SOX5: variants seen among roughly 807,000 people sequenced by gnomAD.
SOX5 encodes the protein SRY-box transcription factor 5.
In SOX5, 9 loss-of-function variants were observed where a neutral mutation model predicts 92.0. The ratio of observed to expected loss-of-function variants is 0.10; its 90% confidence interval spans 0.06 to 0.17. The LOEUF is 0.17. SOX5 is among the 10% of genes least tolerant of loss of function. The probability of loss-of-function intolerance (pLI) is 1.00; values close to 1 mark genes in which losing one functional copy is unlikely to be tolerated. For missense variants in SOX5, 642 were observed against 944.5 expected (o/e 0.68, Z 4.20); for synonymous variants, 344 against 336.3 (o/e 1.02, Z -0.25).
At chr12:24,327,437 T>A (rs1950836135) in intron 2 of SOX5, among the ~76,000 whole-genome samples, 3 of 110,452 alleles carry the variant, frequency 2.7e-5, no homozygotes, top group African/African-American at 1.0e-4. Flanking sequence ...TTTTTTGAGA[T>A]GGAGTTTTGC....
At chr12:23,737,191 C>T (rs1383312398) in intron 5 of SOX5, among the ~76,000 whole-genome samples, 1 of 152,116 alleles carries the variant, frequency 6.6e-6, no homozygotes, top group Non-Finnish European at 1.5e-5. Flanking sequence ...CCGTGTCTCT[C>T]ATCTGGATTG....
chr12:23,802,760 T>A (rs1298925006), intron 3 of SOX5, among the ~76,000 whole-genome samples: 1 of 152,188 alleles, frequency 6.6e-6, no homozygotes, highest in African/African-American at 2.4e-5. Flanking sequence ...ATATGTCATA[T>A]TAGGTAAAAG....
intron 4 of SOX5, among the ~76,000 whole-genome samples, chr12:24,194,457 A>G (rs913448071): frequency 2.0e-5 from 3 of 150,578 alleles, no homozygotes; most frequent in African/African-American, 7.4e-5. Context: ...AGGTAGGTAG[A>G]GAGATATGTG....
At chr12:23,696,749 C>T (rs1306379966) in intron 6 of SOX5, among the ~76,000 whole-genome samples, 2 of 152,110 alleles carry the variant, frequency 1.3e-5, no homozygotes, top group African/African-American at 2.4e-5. Flanking sequence ...CTTCTAAATA[C>T]TGCTTTAGTT....
At chr12:23,683,177 G>A (rs989067744) in intron 6 of SOX5, among the ~76,000 whole-genome samples, 1 of 151,892 alleles carries the variant, frequency 6.6e-6, no homozygotes, top group African/African-American at 2.4e-5. Context: ...TAATGATGGT[G>A]TAAATCTGAG....
intron 10 of SOX5, among the ~76,000 whole-genome samples, chr12:23,567,464 ATTTTTTTT>A (rs35620007): frequency 4.2e-5 from 5 of 119,152 alleles, no homozygotes; most frequent in Middle Eastern, 4.8e-3. Context: ...ATTTGATTTG[ATTTTTTTT>A]TTTTTTTTTT....
intron 4 of SOX5, among the ~76,000 whole-genome samples, chr12:24,077,777 A>ATC (rs1201789264): frequency 1.5e-5 from 1 of 67,088 alleles, no homozygotes; most frequent in Non-Finnish European, 3.1e-5. Context: ...ATTTTCATAT[A>ATC]TATATATATA....
At chr12:23,776,405 C>A (rs567602544) in intron 3 of SOX5, among the ~76,000 whole-genome samples, 1 of 152,136 alleles carries the variant, frequency 6.6e-6, no homozygotes, top group African/African-American at 2.4e-5. Flanking sequence ...CTGAGGAAGG[C>A]AAGAAATTTT....
At chr12:23,879,682 T>A (rs372727402) in intron 2 of SOX5, among the ~76,000 whole-genome samples, 1 of 152,046 alleles carries the variant, frequency 6.6e-6, no homozygotes, top group African/African-American at 2.4e-5. Context: ...AGACAGTGAG[T>A]AGGAGAAAAC....
upstream of SOX5, chr12:23,949,683 T>G: frequency 6.2e-7 from 1 of 1,606,928 alleles, no homozygotes; most frequent in Non-Finnish European, 8.5e-7. Context: ...GTCCAAACCT[T>G]CTAAACCAAT....
At chr12:23,674,336 A>ATTTTTTTTTTTTTT (rs34975795) in intron 6 of SOX5, among the ~76,000 whole-genome samples, 4,418 of 97,116 alleles carry the variant, frequency 0.045, 424 homozygotes, top group Admixed American at 0.048. Flanking sequence ...ATAAAAAGGA[A>ATTTTTTTTTTTTTT]TTTTTTTTTT....
chr12:23,946,384 G>C (rs1425719915), intron 1 of SOX5, among the ~76,000 whole-genome samples: 1 of 151,922 alleles, frequency 6.6e-6, no homozygotes, highest in Non-Finnish European at 1.5e-5. Context: ...GGGAAGCTTA[G>C]ACACAAAACT....
chr12:24,238,499 A>G (rs551435324), intron 3 of SOX5, among the ~76,000 whole-genome samples: 33 of 152,298 alleles, frequency 2.2e-4, no homozygotes, highest in African/African-American at 7.2e-4. Flanking sequence ...CTAAAAGCAC[A>G]TGCCGCCAAT....
intron 4 of SOX5, among the ~76,000 whole-genome samples, chr12:24,120,268 A>G (rs1328257398): frequency 6.6e-6 from 1 of 152,204 alleles, no homozygotes; most frequent in African/African-American, 2.4e-5. Context: ...TGGTTATGCC[A>G]ATTCACATTC....
intron 3 of SOX5, among the ~76,000 whole-genome samples, chr12:24,232,256 T>TA (rs1356565562): frequency 6.6e-6 from 1 of 152,208 alleles, no homozygotes; most frequent in Admixed American, 6.5e-5. Flanking sequence ...CAATATTCTC[T>TA]AAAATTCTTA....
At chr12:24,093,809 T>C (rs1307913739) in intron 4 of SOX5, among the ~76,000 whole-genome samples, 2 of 152,044 alleles carry the variant, frequency 1.3e-5, no homozygotes, top group African/African-American at 4.8e-5. Flanking sequence ...GCCAAATTGC[T>C]CTCCCAAATG....
At chr12:23,902,045 C>T (rs1185897109) in intron 1 of SOX5, among the ~76,000 whole-genome samples, 1 of 152,014 alleles carries the variant, frequency 6.6e-6, no homozygotes, top group African/African-American at 2.4e-5. Context: ...CTTTATTTAA[C>T]ATGTGTAAGT....
At chr12:24,001,784 G>C (rs1324322673) in intron 4 of SOX5, among the ~76,000 whole-genome samples, 1 of 152,128 alleles carries the variant, frequency 6.6e-6, no homozygotes, top group African/African-American at 2.4e-5. Flanking sequence ...CACAAAGAAA[G>C]CAATACAGGA....
intron 8 of SOX5, among the ~76,000 whole-genome samples, chr12:23,636,735 T>G (rs1431896105): frequency 6.6e-6 from 1 of 152,186 alleles, no homozygotes; most frequent in Non-Finnish European, 1.5e-5. Flanking sequence ...ACACAGAGTA[T>G]TTGTATTAAT....
Sources: gnomAD v4.1 joint callset for allele counts (sites outside exome capture counted in the v4.1 genomes callset) on GRCh38, gnomAD v4.1.1 for gene constraint, MANE v1.5 for transcripts, NCBI Gene and HGNC (gene_info 2026-07-23, HGNC 2026-07-21) for gene names.